The following PLPP3 variants were observed in gnomAD, a reference collection of about 807,000 sequenced individuals.
PLPP3 encodes phospholipid phosphatase 3.
A neutral mutation model predicts 29.6 loss-of-function variants in PLPP3; 6 were observed. That is an observed-to-expected ratio of 0.20 (90% CI 0.11 to 0.40). The LOEUF is 0.40. Ranked by LOEUF, PLPP3 falls within the 10% of genes least tolerant of loss-of-function variation. The pLI is 1.00. For missense variants in PLPP3, 308 were observed against 407.7 expected, an observed-to-expected ratio of 0.76 and a Z score of 2.11; for synonymous variants, 152 against 159.7, an observed-to-expected ratio of 0.95 and a Z score of 0.36.
At chr1:56,504,487 G>A (rs1349960092) in intron 5 of PLPP3, among the ~76,000 whole-genome samples, 3 of 152,132 alleles carry the variant, frequency 2.0e-5, no homozygotes, top group Admixed American at 2.0e-4. Context: ...ACCCAAAGAT[G>A]ACCAAGGCTC....
intron 1 of PLPP3, among the ~76,000 whole-genome samples, chr1:56,574,318 T>C (rs1200477747): frequency 1.3e-5 from 2 of 152,114 alleles, no homozygotes; most frequent in African/African-American, 2.4e-5. Context: ...GACACAATCA[T>C]GGCTCACTGC....
intron 2 of PLPP3, among the ~76,000 whole-genome samples, chr1:56,529,339 T>C (rs1420378576): frequency 6.6e-6 from 1 of 152,128 alleles, no homozygotes. Context: ...CAGTAGTATG[T>C]ATGTCTCCAG....
At chr1:56,503,137 CAA>C (rs1645679489) in intron 5 of PLPP3, among the ~76,000 whole-genome samples, 1 of 151,840 alleles carries the variant, frequency 6.6e-6, no homozygotes, top group East Asian at 1.9e-4. Context: ...TTTTTGACCT[CAA>C]TAAAGGGCTT....
intron 1 of PLPP3, among the ~76,000 whole-genome samples, chr1:56,540,579 G>A (rs1314677497): frequency 6.6e-6 from 1 of 152,140 alleles, no homozygotes; most frequent in Non-Finnish European, 1.5e-5. Context: ...TTCTGATTAT[G>A]TGGATGAAGA....
chr1:56,511,010 A>G (rs1279949343), intron 5 of PLPP3, among the ~76,000 whole-genome samples: 1 of 152,220 alleles, frequency 6.6e-6, no homozygotes, highest in South Asian at 2.1e-4. Context: ...TCTATTGTTC[A>G]TAATTCTTAC....
Position 56,496,587 on chromosome 1 carries a change from G to A in PLPP3, c.900C>T (p.Asp300=). The change falls in exon 6 of 6, where the codon GAC becomes GAT. Residue 300 remains aspartate (D), a synonymous_variant. Coordinates refer to ENST00000371250, the MANE Select transcript of PLPP3 (RefSeq NM_003713.5). ...TGTGGTGATTGTTCCTGTCAATAAT[G>A]TCCACAGGTGAAAGGATTTCCTTCC... ...AIRKEILSPV[D]IIDRNNHHNM... 1 of 1,614,056 alleles carries A rather than the reference G, an allele frequency of 6.2e-7. No individual in the cohort carries two copies. The highest frequency in any genetic ancestry group is 1.1e-5 in the South Asian group (1 of 91,088).
rs79328033 is a variant in PLPP3 at position 56,525,556 on chromosome 1, G to A, written c.298-1002C>T. Among the ~76,000 whole-genome samples, 23 of 152,170 alleles carry A rather than the reference G, an allele frequency of 1.5e-4. No homozygotes were observed. In the East Asian group the frequency reaches 4.3e-3, roughly 28 times the overall value. On this transcript the variant is annotated intron_variant, in intron 2 of 5. Coordinates refer to ENST00000371250, the MANE Select transcript of PLPP3 (RefSeq NM_003713.5). ...GATATAGTGACATCATTTACATTAA[G>A]GATGGGGGACAGCTGATGTTCTGTA...
chr1:56,535,934 G>C (rs1169820329), intron 2 of PLPP3, among the ~76,000 whole-genome samples: 1 of 152,156 alleles, frequency 6.6e-6, no homozygotes, highest in Non-Finnish European at 1.5e-5. Flanking sequence ...TACAGATGAG[G>C]AAACTGAAGG....
At chr1:56,528,733 T>C (rs535755180) in intron 2 of PLPP3, among the ~76,000 whole-genome samples, 1 of 151,448 alleles carries the variant, frequency 6.6e-6, no homozygotes, top group East Asian at 1.9e-4. Flanking sequence ...CAAGAGCTCC[T>C]TGGACGATAC....
intron 2 of PLPP3, among the ~76,000 whole-genome samples, chr1:56,529,452 C>T (rs1645872607): frequency 2.0e-5 from 3 of 152,314 alleles, no homozygotes; most frequent in South Asian, 4.1e-4. Flanking sequence ...TGTTCTTTTA[C>T]ATCTCGGTTA....
At chr1:56,544,924 G>C (rs77530959) in intron 1 of PLPP3, among the ~76,000 whole-genome samples, 3,925 of 152,282 alleles carry the variant, frequency 0.026, 61 homozygotes, top group South Asian at 0.095. Context: ...TGGCTACCCA[G>C]AGTTAAGACA....
intron 1 of PLPP3, among the ~76,000 whole-genome samples, chr1:56,554,023 G>GT: frequency 6.6e-6 from 1 of 151,460 alleles, no homozygotes; most frequent in East Asian, 2.0e-4. Flanking sequence ...TACTGACCAC[G>GT]TATTATGAAA....
At chr1:56,517,004 T>C (rs1308052389) in intron 4 of PLPP3, 1 of 152,226 alleles carries the variant, frequency 6.6e-6, no homozygotes, top group African/African-American at 2.4e-5. Context: ...GTTCCTCTGG[T>C]CTGAACCAGC....
chr1:56,565,893 C>T (rs1646158106), intron 1 of PLPP3, among the ~76,000 whole-genome samples: 1 of 152,214 alleles, frequency 6.6e-6, no homozygotes, highest in South Asian at 2.1e-4. Flanking sequence ...GACATCTGTA[C>T]TTACCAAGTA....
intron 1 of PLPP3, among the ~76,000 whole-genome samples, chr1:56,555,516 G>GA (rs1284444860): frequency 7.7e-6 from 1 of 129,122 alleles, no homozygotes; most frequent in Non-Finnish European, 1.7e-5. Context: ...AGAAACAAGA[G>GA]AAAAATCGAT....
chr1:56,533,469 G>A lies in PLPP3; in HGVS notation c.297+3486C>T, dbSNP rs553900614. ...CCCTTGATAAGTAATTGTGGAAGGAGGGTAGGCTGCAGAAGACAGCAGTAG... is the reference window on the plus strand; with the variant it reads ...CCCTTGATAAGTAATTGTGGAAGGAAGGTAGGCTGCAGAAGACAGCAGTAG... On this transcript the variant is annotated intron_variant, in intron 2 of 5. Coordinates refer to ENST00000371250, the MANE Select transcript of PLPP3 (RefSeq NM_003713.5). 6.6e-5 allele frequency among the ~76,000 whole-genome samples: 10 copies of A among 152,288 alleles called. No homozygotes were observed. The South Asian group carries it at 2.1e-3, about 32-fold the overall frequency.
intron 2 of PLPP3, among the ~76,000 whole-genome samples, chr1:56,535,024 C>T (rs2100263656): frequency 6.6e-6 from 1 of 152,228 alleles, no homozygotes; most frequent in South Asian, 2.1e-4. Context: ...GTCACTTCAC[C>T]ATTTTTTGAC....
At chr1:56,517,631 C>T (rs1645790462) in intron 4 of PLPP3, among the ~76,000 whole-genome samples, 1 of 152,220 alleles carries the variant, frequency 6.6e-6, no homozygotes, top group Admixed American at 6.5e-5. Flanking sequence ...AGTATATTTG[C>T]CTCTTTCTGA....
Position 56,564,411 on chromosome 1 carries a change from T to C in PLPP3, c.139+14467A>G, listed in dbSNP as rs935725457. Among the ~76,000 whole-genome samples, 4 of 152,124 alleles carry C rather than the reference T, an allele frequency of 2.6e-5. 1 individual carries two copies. The highest frequency in any genetic ancestry group is 4.1e-4 in the South Asian group (2 of 4,826). ...GGGCTAGGTAACTGGAGATCTACAA[T>C]GAGAAAAATTAATTGAGGCAAGAAA... On this transcript the variant is annotated intron_variant, in intron 1 of 5. Coordinates refer to ENST00000371250, the MANE Select transcript of PLPP3 (RefSeq NM_003713.5).
Sources: gnomAD v4.1 joint callset for allele counts (sites outside exome capture counted in the v4.1 genomes callset) on GRCh38, gnomAD v4.1.1 for gene constraint, MANE v1.5 for transcripts, NCBI Gene and HGNC (gene_info 2026-07-23, HGNC 2026-07-21) for gene names.